Variants in ASH2L observed in about 807,000 individuals in gnomAD.
The protein encoded by ASH2L is ASH2 like, histone lysine methyltransferase complex subunit.
Under a neutral mutation model 81.1 loss-of-function variants are expected in ASH2L, and 30 were observed. That is an observed-to-expected ratio of 0.37 (90% CI 0.28 to 0.50). ASH2L has a LOEUF of 0.50. Ranked by LOEUF, ASH2L falls within the 20% of genes least tolerant of loss-of-function variation. The pLI, the probability that ASH2L is intolerant of heterozygous loss-of-function variation, is 0.95. For missense variants in ASH2L, 559 were observed against 792.1 expected (o/e 0.71, Z 3.53); for synonymous variants, 273 against 279.9 (o/e 0.98, Z 0.24).
At chr8:38,106,489 A>T (rs767157685) in intron 2 of ASH2L, 45 bp downstream of exon 2, 15 of 1,338,618 alleles carry the variant, frequency 1.1e-5, no homozygotes, top group Non-Finnish European at 1.6e-5. Flanking sequence ...GGTTTGTTTT[A>T]GTTATTTCTT....
chr8:38,133,285 T>C (rs940719684), intron 12 of ASH2L, among the ~76,000 whole-genome samples, 169 bp from the exon 13 acceptor site: 2 of 152,196 alleles, frequency 1.3e-5, no homozygotes, highest in African/African-American at 4.8e-5. Flanking sequence ...CATCTGGTAT[T>C]TTTTAAGAAG....
chr8:38,131,433 C>T (rs954725891), intron 12 of ASH2L, among the ~76,000 whole-genome samples: 5 of 151,926 alleles, frequency 3.3e-5, no homozygotes, highest in Non-Finnish European at 7.4e-5. Flanking sequence ...CACTTGAGGC[C>T]AGGAGCTCGA....
intron 3 of ASH2L, 90 bp from the exon 4 acceptor site, chr8:38,110,289 G>A: frequency 1.0e-6 from 1 of 985,176 alleles, no homozygotes; most frequent in Admixed American, 1.8e-5. Flanking sequence ...TCCAGCCTGA[G>A]TGGTAGAGTG....
intron 10 of ASH2L, chr8:38,123,186 G>A (rs1440174749): frequency 7.3e-6 from 1 of 137,374 alleles, no homozygotes. Context: ...CCGGGTTCAA[G>A]TGATTCTTCT....
chr8:38,128,541 G>C (rs1206053132), intron 11 of ASH2L, 83 bp downstream of exon 11: 1 of 1,532,066 alleles, frequency 6.5e-7, no homozygotes, highest in Non-Finnish European at 8.8e-7. Flanking sequence ...CAAGGCTGTT[G>C]GGTTTACCAG....
chr8:38,110,830 T>C lies in ASH2L; in HGVS notation c.582T>C (p.Asp194=). The part of the protein sequence containing the change: ...DEHPKTMFSK[D]KDIIPFIDKY... The stretch of plus-strand genomic sequence containing the variant: ...ATCCGAAGACAATGTTCTCCAAAGA[T>C]AAGGTAGAGGTGGAACTAATGTGAT... Residue 194 remains aspartate, a synonymous_variant, in exon 5 of 16, where the codon GAT becomes GAC. Coordinates refer to ENST00000343823, the MANE Select transcript of ASH2L (RefSeq NM_004674.5). 1.2e-6 allele frequency: 2 copies of C among 1,612,752 alleles called. No individual in the cohort carries two copies. Among genetic ancestry groups the C allele is most frequent in the Non-Finnish European group, 1.7e-6 (2 of 1,179,366 alleles).
At position 38,139,038 on chromosome 8, in the gene ASH2L, G is replaced by A; in HGVS notation, c.1854G>A (p.Val618=). ...ADVLYHVETE[V]DGRRSPPWEP is the part of the protein sequence containing the mutation. ...TCTTGTATCACGTGGAGACAGAAGTGGATGGGAGGCGCAGTCCCCCATGGG... is the reference window on the plus strand; with the variant it reads ...TCTTGTATCACGTGGAGACAGAAGTAGATGGGAGGCGCAGTCCCCCATGGG... The change falls in exon 16 of 16, where the codon GTG becomes GTA. Residue 618 remains valine, a synonymous_variant. Coordinates refer to ENST00000343823, the MANE Select transcript of ASH2L (RefSeq NM_004674.5). 1 of 1,607,062 alleles carries A rather than the reference G, an allele frequency of 6.2e-7. No individual in the cohort carries two copies. The highest frequency in any genetic ancestry group is 1.3e-5 in the African/African-American group (1 of 74,998).
intron 5 of ASH2L, among the ~76,000 whole-genome samples, chr8:38,111,863 T>C (rs1046899031): frequency 6.6e-6 from 1 of 152,208 alleles, no homozygotes; most frequent in Non-Finnish European, 1.5e-5. Flanking sequence ...GCAGTACTAC[T>C]AATTTACAGT....
rs111839734 is a variant in ASH2L, at chr8:38,107,868, A to G, written c.401+702A>G. On this transcript the variant is annotated intron_variant, in intron 3 of 15. Coordinates refer to ENST00000343823, the MANE Select transcript of ASH2L (RefSeq NM_004674.5). Reference sequence around the variant, plus strand: ...GGTGAGATTGTGAAGAAATACATATATGTGTGTGTGTGTGTGTGTGTGTGT... The same window carrying G: ...GGTGAGATTGTGAAGAAATACATATGTGTGTGTGTGTGTGTGTGTGTGTGT... Among the ~76,000 whole-genome samples, 955 of 141,516 alleles carry G rather than the reference A, an allele frequency of 6.7e-3. 6 individuals are homozygous for G. Among genetic ancestry groups the G allele is most frequent in the African/African-American group, 0.013 (499 of 38,712 alleles). 92.8% of individuals were successfully genotyped at this position (141,516 alleles called of 152,430 possible).
At chr8:38,135,857 C>G (rs1802230076) in intron 14 of ASH2L, 91 bp downstream of exon 14, 1 of 957,394 alleles carries the variant, frequency 1.0e-6, no homozygotes, top group Non-Finnish European at 1.6e-6. Flanking sequence ...GGAACGAAAT[C>G]CAAGCAGCCT....
chr8:38,107,868 A>ATGTGTGTG lies in ASH2L; in HGVS notation c.401+732_401+739dup, dbSNP rs10542885. Among the ~76,000 whole-genome samples the ATGTGTGTG allele has an allele frequency of 6.3e-3, 885 of 141,488 alleles. 5 individuals carry two copies. Among genetic ancestry groups the ATGTGTGTG allele is most frequent in the African/African-American group, 9.9e-3 (383 of 38,702 alleles). 92.8% of individuals were successfully genotyped at this position (141,488 alleles called of 152,430 possible). ...GGTGAGATTGTGAAGAAATACATATATGTGTGTGTGTGTGTGTGTGTGTGT... is the reference window on the plus strand; with the variant it reads ...GGTGAGATTGTGAAGAAATACATATATGTGTGTGTGTGTGTGTGTGTGTGTGTGTGTGT... On this transcript the variant is annotated intron_variant, in intron 3 of 15. Coordinates refer to ENST00000343823, the MANE Select transcript of ASH2L (RefSeq NM_004674.5).
At chr8:38,129,947 A>G (rs572082891) in intron 12 of ASH2L, among the ~76,000 whole-genome samples, 3 of 152,086 alleles carry the variant, frequency 2.0e-5, no homozygotes, top group African/African-American at 4.8e-5. Flanking sequence ...GTCTTTTTGG[A>G]TCATTGGATA....
chr8:38,121,785 G>T lies in ASH2L; in HGVS notation c.1165+636G>T, dbSNP rs116681723. Among the ~76,000 whole-genome samples the T allele has an allele frequency of 6.3e-3, 963 of 152,258 alleles. 4 individuals are homozygous for T. Among genetic ancestry groups the T allele is most frequent in the Middle Eastern group, 0.02 (6 of 294 alleles). On this transcript the variant is annotated intron_variant, in intron 10 of 15. Coordinates refer to ENST00000343823, the MANE Select transcript of ASH2L (RefSeq NM_004674.5). ...AATAACACGGAAACAATGTCTTATAGCATCATCTCATGGGATTCATGATGT... is the reference window on the plus strand; with the variant it reads ...AATAACACGGAAACAATGTCTTATATCATCATCTCATGGGATTCATGATGT...
chr8:38,128,723 C>A, intron 11 of ASH2L, 35 bp from the exon 12 acceptor site: 2 of 1,584,538 alleles, frequency 1.3e-6, no homozygotes, highest in South Asian at 1.2e-5. Context: ...GACTTGCAAT[C>A]TTCTGACTTC....
At chr8:38,126,853 C>A (rs200215557) in intron 10 of ASH2L, among the ~76,000 whole-genome samples, 544 of 129,452 alleles carry the variant, frequency 4.2e-3, no homozygotes, top group Non-Finnish European at 4.9e-3. Flanking sequence ...GACTCTGTCT[C>A]AAAAAAGAAA....
chr8:38,130,691 T>C (rs1802026042), intron 12 of ASH2L, among the ~76,000 whole-genome samples: 1 of 152,054 alleles, frequency 6.6e-6, no homozygotes, highest in Non-Finnish European at 1.5e-5. Context: ...CTCCGTCTCA[T>C]GGGTTCAAGC....
At chr8:38,138,685 T>C in intron 14 of ASH2L, 131 bp from the exon 15 acceptor site, 1 of 685,956 alleles carries the variant, frequency 1.5e-6, no homozygotes, top group Non-Finnish European at 2.5e-6. Context: ...ATTTAATATA[T>C]ATCTTATTTG....
chr8:38,120,730 A>G (rs112284589), intron 9 of ASH2L, among the ~76,000 whole-genome samples: 2 of 150,416 alleles, frequency 1.3e-5, no homozygotes, highest in Non-Finnish European at 2.9e-5. Context: ...CACCAAAACT[A>G]CCTTGCTCAA....
Position 38,119,281 on chromosome 8 carries a change from G to A in ASH2L, c.865G>A (p.Ala289Thr). ...CCTTCTCTTCAAAGGGGGAATTGCA[G>A]CAGGAAGCAGCGGAAAAGGACGAGG... ...TSGNLNGGIAAGSSGKGRGAK... is the reference protein window; with the variant it reads ...TSGNLNGGIATGSSGKGRGAK... The change falls in exon 9 of 16, where the codon GCA becomes ACA. Residue 289 changes from alanine to threonine, a missense_variant. Ala to Thr is a moderately conservative substitution (Grantham distance 58, BLOSUM62 0). Transcript: ENST00000343823. The A allele has an allele frequency of 2.6e-6, 4 of 1,550,808 alleles. No homozygotes were observed. The highest frequency in any genetic ancestry group is 1.7e-4 in the Middle Eastern group (1 of 5,980).
Sources: gnomAD v4.1 joint callset for allele counts (sites outside exome capture counted in the v4.1 genomes callset) on GRCh38, gnomAD v4.1.1 for gene constraint, MANE v1.5 for transcripts, NCBI Gene and HGNC (gene_info 2026-07-23, HGNC 2026-07-21) for gene names.